PDE10A: variants seen among roughly 807,000 people sequenced by gnomAD.
PDE10A encodes the protein cAMP and cAMP-inhibited cGMP 3',5'-cyclic phosphodiesterase 10A.
Under a neutral mutation model 97.7 loss-of-function variants are expected in PDE10A, and 39 were observed. The ratio of observed to expected loss-of-function variants is 0.40; its 90% CI spans 0.31 to 0.52. The LOEUF (loss-of-function observed/expected upper bound fraction) is 0.52. Ranked by LOEUF, PDE10A falls within the 20% of genes least tolerant of loss-of-function variation. The pLI is 0.56. For synonymous variants in PDE10A, 371 were observed against 376.8 expected, an observed-to-expected ratio of 0.98 and a Z score of 0.18; for missense variants, 731 against 1,047.8, an observed-to-expected ratio of 0.70 and a Z score of 4.17.
Position 165,900,178 on chromosome 6 carries a change from T to C in PDE10A, c.-615+87351A>G, listed in dbSNP as rs566296442. Among the ~76,000 whole-genome samples, 8 of 152,236 alleles carry C rather than the reference T, an allele frequency of 5.3e-5. No individual in the cohort carries two copies. In the East Asian group the frequency reaches 1.6e-3, roughly 30 times the overall value. On this transcript the variant is annotated intron_variant, in intron 1 of 19. Transcript: ENST00000366882. ...TCTGTCCAGTCAGATCATTCAAAAA[T>C]AAAGACATCTGGGCGGGGCGCAGTG...
chr6:165,476,592 T>C (rs1779311486), intron 3 of PDE10A, among the ~76,000 whole-genome samples: 1 of 152,026 alleles, frequency 6.6e-6, no homozygotes, highest in Admixed American at 6.6e-5. Flanking sequence ...AAGAAACAAG[T>C]GGCATAATAC....
intron 1 of PDE10A, among the ~76,000 whole-genome samples, chr6:165,984,882 G>T (rs79158269): frequency 1.3e-5 from 2 of 152,222 alleles, no homozygotes; most frequent in East Asian, 3.9e-4. Context: ...GCCGGAACCC[G>T]TCCTTTGTTT....
intron 1 of PDE10A, among the ~76,000 whole-genome samples, chr6:165,572,147 T>TA (rs1427064405): frequency 6.6e-6 from 1 of 152,224 alleles, no homozygotes; most frequent in East Asian, 1.9e-4. Flanking sequence ...CCCTAATACT[T>TA]AATCATTTCA....
Position 165,968,852 on chromosome 6 carries a change from G to T in PDE10A, c.-615+18677C>A, listed in dbSNP as rs150183520. 3.6e-3 allele frequency among the ~76,000 whole-genome samples: 553 copies of T among 152,298 alleles called. 2 individuals are homozygous for T. Among genetic ancestry groups the T allele is most frequent in the Non-Finnish European group, 6.6e-3 (449 of 68,020 alleles). On this transcript the variant is annotated intron_variant, in intron 1 of 19. Transcript: ENST00000366882. The stretch of plus-strand genomic sequence containing the variant: ...GAAGGCAGAAGGCAGAGCCTGTAGG[G>T]CCCCACTGACCAGGCTGCGGGCTTG...
In PDE10A at chr6:165,739,871, G is replaced by A. The variant is rs544003025; in HGVS notation, c.-614-196303C>T. On this transcript the variant is annotated intron_variant, in intron 1 of 19. Coordinates refer to the PDE10A transcript ENST00000366882. Reference sequence around the variant, plus strand: ...AGCAGTGTATGAAATAATGCTCAACGTCTCTAATCATCAGGGAAATGCAAA... The same window carrying A: ...AGCAGTGTATGAAATAATGCTCAACATCTCTAATCATCAGGGAAATGCAAA... Among the ~76,000 whole-genome samples the A allele has an allele frequency of 6.6e-5, 10 of 152,114 alleles. No individual in the cohort carries two copies. The South Asian group carries it at 8.3e-4, about 13-fold the overall frequency.
intron 1 of PDE10A, among the ~76,000 whole-genome samples, chr6:165,633,526 C>A (rs1196258262): frequency 6.6e-6 from 1 of 152,164 alleles, no homozygotes; most frequent in Non-Finnish European, 1.5e-5. Context: ...AATCAAATAG[C>A]AAACATTTCA....
intron 1 of PDE10A, among the ~76,000 whole-genome samples, chr6:165,563,644 C>T (rs2128339296): frequency 6.6e-6 from 1 of 152,144 alleles, no homozygotes; most frequent in South Asian, 2.1e-4. Flanking sequence ...AATCCCAGCA[C>T]CTTGGGAGGC....
chr6:165,446,979 A>G (rs1335088608), intron 5 of PDE10A, among the ~76,000 whole-genome samples: 2 of 152,190 alleles, frequency 1.3e-5, no homozygotes, highest in Non-Finnish European at 2.9e-5. Flanking sequence ...AGATTAAATA[A>G]TTCAAATTGA....
At chr6:165,474,528 C>T (rs1779185849) in intron 3 of PDE10A, among the ~76,000 whole-genome samples, 1 of 152,120 alleles carries the variant, frequency 6.6e-6, no homozygotes, top group African/African-American at 2.4e-5. Context: ...ATTTGAGTAA[C>T]TACCATCGAG....
chr6:165,640,071 AG>A (rs1789059539), intron 1 of PDE10A, among the ~76,000 whole-genome samples: 1 of 119,136 alleles, frequency 8.4e-6, no homozygotes, highest in African/African-American at 3.2e-5. Context: ...TTCTGTCACC[AG>A]AAAAAAAAAA....
chr6:165,463,055 G>A (rs1042659784), intron 3 of PDE10A, among the ~76,000 whole-genome samples: 2 of 152,192 alleles, frequency 1.3e-5, no homozygotes, highest in Admixed American at 6.5e-5. Flanking sequence ...GCTGCACAAC[G>A]ATTCCTATGG....
chr6:165,482,284 C>T lies in PDE10A; in HGVS notation c.1023+31G>A, dbSNP rs1436540178. The T allele has an allele frequency of 6.5e-6, 9 of 1,389,982 alleles. No homozygotes were observed. The African/African-American group carries it at 1.3e-4, about 20-fold the overall frequency. The allele number at this position is 1,389,982 out of a possible 1,614,324, so 86.1% of individuals were successfully genotyped here. A position where few individuals can be genotyped will look rare whatever the true frequency, so the allele number is the denominator to read the frequency against. On this transcript the variant is annotated intron_variant, in intron 3 of 21. Transcript: ENST00000539869. ...CAAAACAGATTCATTTCCTATACTG[C>T]AGTAGTAGAAATAATATTCACATCA... is the stretch of plus-strand genomic sequence containing the variant.
At position 165,554,881 on chromosome 6, in the gene PDE10A, T is replaced by C. The variant is rs1784176627; in HGVS notation, c.866-11313A>G. On this transcript the variant is annotated intron_variant, in intron 1 of 21. Transcript: ENST00000539869. ...TCTTTTGCAACAACATGGATGGAACTGGAGATCATTATGTTAAGTAAAATA... is the reference window on the plus strand; with the variant it reads ...TCTTTTGCAACAACATGGATGGAACCGGAGATCATTATGTTAAGTAAAATA... Among the ~76,000 whole-genome samples the C allele has an allele frequency of 2.0e-5, 3 of 152,324 alleles. No homozygotes were observed. The South Asian group carries it at 6.2e-4, about 32-fold the overall frequency.
intron 12 of PDE10A, among the ~76,000 whole-genome samples, chr6:165,414,150 G>GGCCA (rs1240444715): frequency 6.6e-6 from 1 of 152,086 alleles, no homozygotes; most frequent in Non-Finnish European, 1.5e-5. Flanking sequence ...CGCACCCAGG[G>GGCCA]GCCAAATCAG....
At chr6:165,792,876 A>G (rs957239643) in intron 1 of PDE10A, among the ~76,000 whole-genome samples, 1 of 151,770 alleles carries the variant, frequency 6.6e-6, no homozygotes, top group Non-Finnish European at 1.5e-5. Context: ...TGTTTCTTCT[A>G]TTTTCTCTGC....
rs376810809 is a variant in PDE10A at position 165,969,119 on chromosome 6, C to T, written c.-615+18410G>A. Among the ~76,000 whole-genome samples, 37 of 152,288 alleles carry T rather than the reference C, an allele frequency of 2.4e-4. No individual in the cohort carries two copies. In the South Asian group the frequency reaches 4.6e-3, roughly 19 times the overall value. The stretch of plus-strand genomic sequence containing the variant: ...CAGATGAGAAAGATATGAGGTATAA[C>T]GTTTGGAAAAGGAAAGTAAAATTAC... On this transcript the variant is annotated intron_variant, in intron 1 of 19. Transcript: ENST00000366882.
rs1785470558 is a variant in PDE10A, at chr6:165,388,735, G to GT, written c.2455-283dup. ...TCAACTCTAGGAAAAGGTGCAGGAGGTATCAACTTAAAGGTATAAAGCAAA... is the reference window on the plus strand; with the variant it reads ...TCAACTCTAGGAAAAGGTGCAGGAGGTTATCAACTTAAAGGTATAAAGCAAA... On this transcript the variant is annotated intron_variant, in intron 16 of 21. Transcript: ENST00000539869. The surrounding 1 kb of genome is among the most constrained non-coding windows in gnomAD (Gnocchi z 4.0). Among the ~76,000 whole-genome samples, 1 of 152,080 alleles carries GT rather than the reference G, an allele frequency of 6.6e-6. No homozygotes were observed. Among genetic ancestry groups the GT allele is most frequent in the African/African-American group, 2.4e-5 (1 of 41,382 alleles).
At chr6:165,555,847 A>G (rs1784224641) in intron 1 of PDE10A, among the ~76,000 whole-genome samples, 1 of 152,184 alleles carries the variant, frequency 6.6e-6, no homozygotes. Context: ...ATTTGCTACA[A>G]GGAACAAGCC....
intron 1 of PDE10A, among the ~76,000 whole-genome samples, chr6:165,901,046 G>A (rs1034990249): frequency 7.9e-5 from 12 of 152,132 alleles, no homozygotes; most frequent in South Asian, 2.1e-4. Flanking sequence ...ATGAAGCACT[G>A]TAGACAGCAG....
Sources: gnomAD v4.1 joint callset for allele counts (sites outside exome capture counted in the v4.1 genomes callset) on GRCh38, gnomAD v4.1.1 for gene constraint, Gnocchi (gnomAD v3.1) non-coding constraint, MANE v1.5 for transcripts, NCBI Gene and HGNC (gene_info 2026-07-23, HGNC 2026-07-21) for gene names.